Variants in KLHL42 observed in about 807,000 individuals in gnomAD.
KLHL42 encodes kelch like family member 42.
A neutral mutation model predicts 32.7 loss-of-function variants in KLHL42; 27 were observed. The ratio of observed to expected loss-of-function variants is 0.83; its 90% CI spans 0.61 to 1.14. KLHL42 has a LOEUF of 1.14. Ranked by LOEUF, KLHL42 falls within the 50% of genes most tolerant of loss-of-function variation. The pLI is 0.00. For missense variants in KLHL42, 491 were observed against 560.8 expected, an observed-to-expected ratio of 0.88 and a Z score of 1.26; for synonymous variants, 267 against 248.2, an observed-to-expected ratio of 1.08 and a Z score of -0.71.
chr12:27,791,485 C>G (rs1011773392), intron 1 of KLHL42, among the ~76,000 whole-genome samples: 1 of 152,154 alleles, frequency 6.6e-6, no homozygotes, highest in South Asian at 2.1e-4. Flanking sequence ...TGCTTATCTT[C>G]GATAGCTAGT....
intron 1 of KLHL42, 83 bp downstream of exon 1, chr12:27,781,285 T>G: frequency 6.9e-7 from 1 of 1,439,922 alleles, no homozygotes; most frequent in Non-Finnish European, 9.4e-7. Context: ...ACTGAGCCAG[T>G]AAATAGGGGA....
Position 27,799,639 on chromosome 12 carries a change from G to A in KLHL42, c.*1473G>A, listed in dbSNP as rs574613535. On this transcript the variant is annotated 3_prime_UTR_variant, in exon 3 of 3. Coordinates refer to ENST00000381271, the MANE Select transcript of KLHL42 (RefSeq NM_020782.2). Reference sequence around the variant, plus strand: ...CGTCCACTGTGCAGATGTAGGACAGGGGCTAATCACTTAGAGTTCTTCAGT... The same window carrying A: ...CGTCCACTGTGCAGATGTAGGACAGAGGCTAATCACTTAGAGTTCTTCAGT... 2 of 152,512 alleles carry A rather than the reference G, an allele frequency of 1.3e-5. No homozygotes were observed. Among genetic ancestry groups the A allele is most frequent in the Non-Finnish European group, 2.9e-5 (2 of 68,000 alleles). 9.4% of individuals were successfully genotyped at this position (152,512 alleles called of 1,614,324 possible). A position where few individuals can be genotyped will look rare whatever the true frequency, so the allele number is the denominator to read the frequency against.
intron 2 of KLHL42, among the ~76,000 whole-genome samples, chr12:27,796,658 G>GTTTTTTTTTTT (rs2062220036): frequency 6.6e-6 from 1 of 151,904 alleles, no homozygotes; most frequent in Non-Finnish European, 1.5e-5. Context: ...GAGAGAACAG[G>GTTTTTTTTTTT]ATCTCACTCT....
At chr12:27,795,266 T>A (rs1392714124) in intron 2 of KLHL42, among the ~76,000 whole-genome samples, 1 of 152,096 alleles carries the variant, frequency 6.6e-6, no homozygotes, top group Non-Finnish European at 1.5e-5. Context: ...ACCCAAAGAG[T>A]ACTTTACTGG....
In KLHL42 at chr12:27,799,415, A is replaced by C. The variant is rs1048390481; in HGVS notation, c.*1249A>C. On this transcript the variant is annotated 3_prime_UTR_variant, in exon 3 of 3. Coordinates refer to ENST00000381271, the MANE Select transcript of KLHL42 (RefSeq NM_020782.2). ...ACTTATGGAAATTTTATTTTGATTG[A>C]AAACACTCTGAAATTATCTGATATT... The C allele has an allele frequency of 2.6e-5, 4 of 152,378 alleles. No homozygotes were observed. Among genetic ancestry groups the C allele is most frequent in the Admixed American group, 1.3e-4 (2 of 15,302 alleles). The allele number at this position is 152,378 out of a possible 1,614,324, so 9.4% of individuals were successfully genotyped here.
chr12:27,794,851 A>G lies in KLHL42; in HGVS notation c.1067-2864A>G, dbSNP rs534960445. Among the ~76,000 whole-genome samples, 15 of 151,558 alleles carry G rather than the reference A, an allele frequency of 9.9e-5. No individual in the cohort carries two copies. In the South Asian group the frequency reaches 1.7e-3, roughly 17 times the overall value. ...TTCATTATTTGTCGAGCTATTCCCA[A>G]TGTCCCTCTCTGGTGACTCTCCACT... On this transcript the variant is annotated intron_variant, in intron 2 of 2. Coordinates refer to ENST00000381271, the MANE Select transcript of KLHL42 (RefSeq NM_020782.2).
chr12:27,795,499 CT>C (rs1326837270), intron 2 of KLHL42, among the ~76,000 whole-genome samples: 3 of 152,166 alleles, frequency 2.0e-5, no homozygotes, highest in African/African-American at 4.8e-5. Context: ...GGGCCGAAAA[CT>C]AGTTTTCTAA....
chr12:27,786,209 T>C (rs1405337344), intron 1 of KLHL42, among the ~76,000 whole-genome samples: 1 of 152,228 alleles, frequency 6.6e-6, no homozygotes, highest in South Asian at 2.1e-4. Context: ...GGGACCATCT[T>C]CATGCACATT....
intron 2 of KLHL42, among the ~76,000 whole-genome samples, chr12:27,794,224 G>A (rs905582969): frequency 6.6e-6 from 1 of 152,186 alleles, no homozygotes; most frequent in African/African-American, 2.4e-5. Flanking sequence ...CAGAAGTCAA[G>A]GTGTCAGCGG....
chr12:27,797,336 G>A (rs1309493979), intron 2 of KLHL42: 1 of 464,166 alleles, frequency 2.2e-6, no homozygotes, highest in Non-Finnish European at 4.3e-6. Flanking sequence ...CCTGGCTTCT[G>A]TATTAAGTAG....
At position 27,781,171 on chromosome 12, in the gene KLHL42, TG is replaced by T; in HGVS notation, c.843del (p.Trp281CysfsTer7). On this transcript the variant is annotated frameshift_variant, in exon 1 of 3. Coordinates refer to ENST00000381271, the MANE Select transcript of KLHL42 (RefSeq NM_020782.2). LOFTEE classifies it high-confidence loss of function. Reference protein sequence around the residue: ...AHSYNPSTNEWLQVASMNQKR... With the variant: ...AHSYNPSTNEXLQVASMNQKR... ...TTCCTACAACCCCAGCACCAACGAG[TG>T]GCTCCAGGTGGCCTCCATGAACCAG... 1.2e-6 allele frequency: 2 copies of T among 1,613,856 alleles called. No homozygotes were observed. The highest frequency in any genetic ancestry group is 1.7e-6 in the Non-Finnish European group (2 of 1,180,008).
chr12:27,801,797 A>G lies in KLHL42; in HGVS notation c.*3631A>G, dbSNP rs1565486802. 6.6e-6 allele frequency: 1 copy of G among 152,252 alleles called. No individual in the cohort carries two copies. The allele number at this position is 152,252 out of a possible 1,614,324, so 9.4% of individuals were successfully genotyped here. A position where few individuals can be genotyped will look rare whatever the true frequency, so the allele number is the denominator to read the frequency against. ...CACCAACCAAAATGACTTTGAAAGC[A>G]GTGAGCTGATTGAGCTCCAGTTCTG... On this transcript the variant is annotated 3_prime_UTR_variant, in exon 3 of 3. Coordinates refer to ENST00000381271, the MANE Select transcript of KLHL42 (RefSeq NM_020782.2).
At chr12:27,783,662 A>G (rs1336688135) in intron 1 of KLHL42, among the ~76,000 whole-genome samples, 1 of 151,864 alleles carries the variant, frequency 6.6e-6, no homozygotes, top group Non-Finnish European at 1.5e-5. Flanking sequence ...GCTCACTGCA[A>G]GCTCCGCCTC....
chr12:27,782,731 G>A (rs2062154338), intron 1 of KLHL42, among the ~76,000 whole-genome samples: 2 of 148,928 alleles, frequency 1.3e-5, no homozygotes, highest in Admixed American at 1.3e-4. Context: ...GGTAGTCTTT[G>A]TCTTTTTTTC....
intron 1 of KLHL42, among the ~76,000 whole-genome samples, chr12:27,791,268 C>T (rs2062195842): frequency 6.6e-6 from 1 of 152,112 alleles, no homozygotes; most frequent in Non-Finnish European, 1.5e-5. Context: ...TCGACAGCAC[C>T]AGTGTGTCCC....
rs965887152 is a variant in KLHL42 at position 27,801,231 on chromosome 12, A to G, written c.*3065A>G. 2.6e-5 allele frequency: 4 copies of G among 152,350 alleles called. No individual in the cohort carries two copies. Among genetic ancestry groups the G allele is most frequent in the East Asian group, 1.9e-4 (1 of 5,190 alleles). The allele number at this position is 152,350 out of a possible 1,614,324, so 9.4% of individuals were successfully genotyped here. On this transcript the variant is annotated 3_prime_UTR_variant, in exon 3 of 3. Coordinates refer to ENST00000381271, the MANE Select transcript of KLHL42 (RefSeq NM_020782.2). ...TTTTTTTTTTTAACACCAAGATCCT[A>G]AGTAATTCCAAATGCCTTAGATATC...
chr12:27,788,992 T>C (rs2062185173), intron 1 of KLHL42, among the ~76,000 whole-genome samples: 1 of 152,202 alleles, frequency 6.6e-6, no homozygotes, highest in Non-Finnish European at 1.5e-5. Flanking sequence ...GTGGAAGAAT[T>C]ATTTTCAGAA....
chr12:27,797,640 G>A (rs1043157657), intron 2 of KLHL42, 75 bp from the exon 3 acceptor site: 3 of 659,686 alleles, frequency 4.5e-6, no homozygotes, highest in Non-Finnish European at 5.4e-6. Flanking sequence ...TGCAGGCAGA[G>A]GTAGACATTT....
At chr12:27,797,450 G>C (rs1565484967) in intron 2 of KLHL42, 1 of 540,268 alleles carries the variant, frequency 1.9e-6, no homozygotes, top group Non-Finnish European at 3.4e-6. Flanking sequence ...GGGGCTGTGT[G>C]AAAGTCAGAG....
Sources: gnomAD v4.1 joint callset for allele counts (sites outside exome capture counted in the v4.1 genomes callset) on GRCh38, gnomAD v4.1.1 for gene constraint, MANE v1.5 for transcripts, NCBI Gene and HGNC (gene_info 2026-07-23, HGNC 2026-07-21) for gene names.